Variants in ASIC2 observed in about 807,000 individuals in gnomAD.
The protein encoded by ASIC2 is acid-sensing ion channel 2.
ASIC2 carries 25 observed loss-of-function variants against 57.3 expected under a neutral mutation model. That is an observed-to-expected ratio of 0.44 (90% CI 0.32 to 0.61). The LOEUF (loss-of-function observed/expected upper bound fraction) is 0.61. ASIC2 is among the 20% of genes least tolerant of loss of function. The pLI is 0.06. For synonymous variants in ASIC2, 319 were observed against 307.5 expected (o/e 1.04, Z -0.39); for missense variants, 641 against 738.1 (o/e 0.87, Z 1.52).
intron 1 of ASIC2, among the ~76,000 whole-genome samples, chr17:33,486,775 T>A (rs1913588882): frequency 6.6e-6 from 1 of 152,220 alleles, no homozygotes; most frequent in Non-Finnish European, 1.5e-5. Context: ...TGGGGGAATG[T>A]GCTACTGCTG....
At chr17:33,440,402 T>A (rs1167825709) in intron 1 of ASIC2, among the ~76,000 whole-genome samples, 1 of 152,262 alleles carries the variant, frequency 6.6e-6, no homozygotes, top group Non-Finnish European at 1.5e-5. Flanking sequence ...CACATTTTGA[T>A]TATTAAGCAT....
At chr17:34,140,519 G>A (rs964284310) in intron 1 of ASIC2, among the ~76,000 whole-genome samples, 2 of 152,118 alleles carry the variant, frequency 1.3e-5, no homozygotes, top group Non-Finnish European at 2.9e-5. Context: ...ACCAAGATTT[G>A]TTAGAGAACT....
intron 1 of ASIC2, among the ~76,000 whole-genome samples, chr17:33,507,239 C>T (rs937331608): frequency 6.6e-6 from 1 of 152,136 alleles, no homozygotes; most frequent in Non-Finnish European, 1.5e-5. Context: ...GTTTATCTTC[C>T]ATTAGCTGCT....
Position 33,624,599 on chromosome 17 carries a change from C to T in ASIC2, c.556-512532G>A, listed in dbSNP as rs186015206. Among the ~76,000 whole-genome samples the T allele has an allele frequency of 1.2e-4, 19 of 152,328 alleles. No homozygotes were observed. In the East Asian group the frequency reaches 2.7e-3, roughly 22 times the overall value. On this transcript the variant is annotated intron_variant, in intron 1 of 9. Coordinates refer to the ASIC2 transcript ENST00000359872. ...CTTCTTACTGATGCTGGAGAAGGAG[C>T]GTTGGAAGAAGAGTCTCAGGTTCTA...
intron 1 of ASIC2, chr17:33,935,681 A>C (rs555097188): frequency 6.6e-6 from 1 of 152,342 alleles, no homozygotes; most frequent in East Asian, 1.9e-4. Context: ...CTCAGAGGGT[A>C]TAAATCCCTC....
intron 1 of ASIC2, among the ~76,000 whole-genome samples, chr17:33,577,573 A>C (rs947397143): frequency 1.1e-4 from 17 of 152,068 alleles, no homozygotes; most frequent in South Asian, 2.1e-4. Context: ...ACCAAACCTG[A>C]TATTTCAGGA....
chr17:33,299,344 A>G (rs932578209), intron 1 of ASIC2, among the ~76,000 whole-genome samples: 1 of 152,218 alleles, frequency 6.6e-6, no homozygotes, highest in Non-Finnish European at 1.5e-5. Context: ...CATCTAAGCA[A>G]ATGTCCAGGA....
chr17:33,907,129 C>A (rs1177794380), intron 1 of ASIC2, among the ~76,000 whole-genome samples: 1 of 152,094 alleles, frequency 6.6e-6, no homozygotes, highest in Non-Finnish European at 1.5e-5. Flanking sequence ...ACCCAATAGG[C>A]CAGGCATCAG....
intron 1 of ASIC2, among the ~76,000 whole-genome samples, chr17:34,091,623 T>C (rs1423112661): frequency 2.0e-5 from 3 of 152,228 alleles, no homozygotes; most frequent in Admixed American, 2.0e-4. Context: ...CACCACCACT[T>C]TTCTTTCTCA....
intron 1 of ASIC2, among the ~76,000 whole-genome samples, chr17:34,060,509 C>A (rs1908932828): frequency 1.3e-5 from 2 of 148,832 alleles, no homozygotes; most frequent in Non-Finnish European, 3.0e-5. Context: ...CCTTGATTTA[C>A]GTGAAAAAGA....
At chr17:33,090,577 A>T (rs1019736176) in intron 2 of ASIC2, among the ~76,000 whole-genome samples, 2 of 151,930 alleles carry the variant, frequency 1.3e-5, no homozygotes, top group African/African-American at 4.8e-5. Context: ...AGGAGAGAAG[A>T]TAATGATGGG....
intron 1 of ASIC2, among the ~76,000 whole-genome samples, chr17:33,238,815 C>T (rs1908394162): frequency 6.6e-6 from 1 of 152,122 alleles, no homozygotes; most frequent in South Asian, 2.1e-4. Flanking sequence ...ACTAGCCTGG[C>T]CAACATGGTG....
chr17:33,139,554 A>G (rs186715928), intron 1 of ASIC2, among the ~76,000 whole-genome samples: 227 of 152,302 alleles, frequency 1.5e-3, no homozygotes, highest in African/African-American at 4.8e-3. Context: ...CACCTTGGCC[A>G]GGCCCCCAAC....
At chr17:33,273,302 G>A (rs1462290950) in intron 1 of ASIC2, among the ~76,000 whole-genome samples, 3 of 152,076 alleles carry the variant, frequency 2.0e-5, no homozygotes, top group Non-Finnish European at 4.4e-5. Flanking sequence ...ATATAGCTGG[G>A]GTTTCTAACC....
chr17:33,735,047 T>C (rs2142093523), intron 1 of ASIC2, among the ~76,000 whole-genome samples: 1 of 152,306 alleles, frequency 6.6e-6, no homozygotes, highest in Admixed American at 6.5e-5. Flanking sequence ...AATGCTCTTC[T>C]CTGAGATCCC....
chr17:33,039,381 TC>T (rs1357781253), intron 3 of ASIC2, among the ~76,000 whole-genome samples: 1 of 152,174 alleles, frequency 6.6e-6, no homozygotes, highest in Middle Eastern at 3.2e-3. Context: ...GTGTCTGAGA[TC>T]CTGGCTCGTC....
At chr17:33,522,689 G>C (rs1914777693) in intron 1 of ASIC2, among the ~76,000 whole-genome samples, 1 of 152,222 alleles carries the variant, frequency 6.6e-6, no homozygotes, top group African/African-American at 2.4e-5. Flanking sequence ...TGTGGAATAA[G>C]AATTCTTGTC....
intron 1 of ASIC2, chr17:34,038,962 G>C: frequency 1.2e-6 from 2 of 1,613,706 alleles, no homozygotes; most frequent in South Asian, 1.1e-5. Flanking sequence ...ATTTGGCTCC[G>C]TGTCGGACGT....
At chr17:33,118,009 G>A (rs1341062413) in intron 1 of ASIC2, among the ~76,000 whole-genome samples, 3 of 152,164 alleles carry the variant, frequency 2.0e-5, no homozygotes, top group African/African-American at 7.2e-5. Context: ...GCCTGCTGCT[G>A]GAAGCCCAGG....
Sources: allele counts gnomAD v4.1 joint callset (sites outside exome capture counted in the v4.1 genomes callset), GRCh38; gene constraint gnomAD v4.1.1; transcripts MANE v1.5; gene names NCBI Gene and HGNC (gene_info 2026-07-23, HGNC 2026-07-21).